Variants in ICA1 observed in about 807,000 individuals in gnomAD.
ICA1 encodes islet cell autoantigen 1.
ICA1 carries 40 observed loss-of-function variants against 71.0 expected under a neutral mutation model. The ratio of observed to expected loss-of-function variants is 0.56; its 90% CI spans 0.44 to 0.73. The LOEUF is 0.73. Among genes scored for constraint, ICA1 ranks in the 30% least tolerant of loss-of-function variants. ICA1 has a pLI of 0.00. For synonymous variants in ICA1, 207 were observed against 209.5 expected (o/e 0.99, Z 0.10); for missense variants, 578 against 576.5 (o/e 1.00, Z -0.03).
chr7:8,202,226 A>G (rs1486793826), intron 6 of ICA1, among the ~76,000 whole-genome samples: 1 of 152,228 alleles, frequency 6.6e-6, no homozygotes, highest in Admixed American at 6.5e-5. Flanking sequence ...TCCAGAAAAT[A>G]AGGGGATGCA....
intron 6 of ICA1, among the ~76,000 whole-genome samples, chr7:8,209,736 G>A (rs894613344): frequency 2.6e-5 from 1 of 39,174 alleles, no homozygotes; most frequent in African/African-American, 1.2e-4. Flanking sequence ...TGGGAAGTCG[G>A]CAAAGGCTCC....
At chr7:8,148,766 C>A (rs967490429) in intron 8 of ICA1, among the ~76,000 whole-genome samples, 1 of 151,988 alleles carries the variant, frequency 6.6e-6, no homozygotes, top group Non-Finnish European at 1.5e-5. Flanking sequence ...AGGAAAAAAA[C>A]AATAACACAT....
intron 1 of ICA1, among the ~76,000 whole-genome samples, chr7:8,246,731 G>C (rs899525442): frequency 1.3e-5 from 2 of 152,288 alleles, no homozygotes; most frequent in East Asian, 3.9e-4. Context: ...GTGCTCCTGT[G>C]CAATAACTAT....
At chr7:8,196,809 T>A (rs1054241673) in intron 6 of ICA1, among the ~76,000 whole-genome samples, 1 of 152,062 alleles carries the variant, frequency 6.6e-6, no homozygotes, top group African/African-American at 2.4e-5. Context: ...AGGGGCCAGG[T>A]GGAGATAAAT....
chr7:8,122,590 C>T (rs1055031488), intron 13 of ICA1, among the ~76,000 whole-genome samples: 19 of 152,248 alleles, frequency 1.2e-4, no homozygotes, highest in Non-Finnish European at 2.1e-4. Context: ...AAATACACCC[C>T]GTGGTCTTTT....
chr7:8,228,258 G>C (rs2128448969), intron 4 of ICA1, among the ~76,000 whole-genome samples: 1 of 151,816 alleles, frequency 6.6e-6, no homozygotes, highest in East Asian at 1.9e-4. Context: ...ATCTTAAAAG[G>C]AACAAAATTG....
rs565910418 is a variant in ICA1, at chr7:8,212,030, C to T, written c.579+6275G>A. ...ATATAAATAAGAGAAAAATATTACC[C>T]ATTTGTAAATACCAAAGGCTCCTCT... On this transcript the variant is annotated intron_variant, in intron 6 of 13. Coordinates refer to ENST00000402384, the MANE Select transcript of ICA1 (RefSeq NM_001136020.3). 5.9e-5 allele frequency among the ~76,000 whole-genome samples: 9 copies of T among 152,276 alleles called. No homozygotes were observed. In the South Asian group the frequency reaches 1.7e-3, roughly 28 times the overall value.
intron 1 of ICA1, among the ~76,000 whole-genome samples, chr7:8,239,304 T>C (rs1802933277): frequency 1.3e-5 from 2 of 152,366 alleles, no homozygotes; most frequent in South Asian, 4.1e-4. Context: ...TTGTTATCCA[T>C]TCATTTCAGT....
intron 12 of ICA1, among the ~76,000 whole-genome samples, chr7:8,133,417 C>G (rs376568920): frequency 6.6e-6 from 1 of 152,180 alleles, no homozygotes; most frequent in Non-Finnish European, 1.5e-5. Flanking sequence ...GCACATGCCA[C>G]CATGCCTGGC....
chr7:8,152,794 C>G (rs1444263049), intron 8 of ICA1, among the ~76,000 whole-genome samples: 1 of 80,848 alleles, frequency 1.2e-5, no homozygotes. Context: ...ATCACCATCA[C>G]CTCCACCACC....
In ICA1 at chr7:8,206,733, GA is replaced by G. The variant is rs60704635; in HGVS notation, c.579+11571del. Among the ~76,000 whole-genome samples, 115 of 135,596 alleles carry G rather than the reference GA, an allele frequency of 8.5e-4. No homozygotes were observed. The East Asian group carries it at 9.0e-3, about 11-fold the overall frequency. 89.0% of individuals were successfully genotyped at this position (135,596 alleles called of 152,430 possible). ...GATCTTTCTCCCACAGGTTTAAAAT[GA>G]AAAAAAAAAAAAAAAAAAAAAGAAA... On this transcript the variant is annotated intron_variant, in intron 6 of 13. Coordinates refer to ENST00000402384, the MANE Select transcript of ICA1 (RefSeq NM_001136020.3).
intron 1 of ICA1, among the ~76,000 whole-genome samples, chr7:8,241,982 C>T (rs1169450621): frequency 6.6e-6 from 1 of 152,120 alleles, no homozygotes; most frequent in Non-Finnish European, 1.5e-5. Flanking sequence ...CTTTAACACC[C>T]CACTGTCAAC....
intron 4 of ICA1, 128 bp from the exon 5 acceptor site, chr7:8,221,526 G>T (rs1797067425): frequency 3.8e-6 from 4 of 1,044,918 alleles, no homozygotes; most frequent in African/African-American, 1.6e-5. Context: ...AATCTAAGCG[G>T]CAGGCTACAG....
At chr7:8,136,115 T>C (rs1008143557) in intron 12 of ICA1, among the ~76,000 whole-genome samples, 3 of 152,152 alleles carry the variant, frequency 2.0e-5, no homozygotes, top group African/African-American at 7.2e-5. Context: ...AGCTATTTAG[T>C]AGGAGAAAGC....
At chr7:8,195,329 T>C (rs1787084599) in intron 6 of ICA1, among the ~76,000 whole-genome samples, 1 of 152,102 alleles carries the variant, frequency 6.6e-6, no homozygotes, top group African/African-American at 2.4e-5. Flanking sequence ...TCTCTTGAGG[T>C]CAGGAGTTCG....
chr7:8,158,006 T>C (rs751335838), intron 7 of ICA1, among the ~76,000 whole-genome samples: 7 of 152,116 alleles, frequency 4.6e-5, no homozygotes, highest in Non-Finnish European at 8.8e-5. Context: ...TTAACTGTTA[T>C]ATTTCCTACA....
intron 4 of ICA1, among the ~76,000 whole-genome samples, chr7:8,225,045 T>G (rs1188711696): frequency 2.0e-5 from 3 of 152,010 alleles, no homozygotes; most frequent in Non-Finnish European, 2.9e-5. Context: ...ACTGCAAAGT[T>G]AAGAATGTTT....
At chr7:8,168,469 G>A (rs1807001392) in intron 6 of ICA1, among the ~76,000 whole-genome samples, 1 of 152,076 alleles carries the variant, frequency 6.6e-6, no homozygotes, top group African/African-American at 2.4e-5. Context: ...TATAATCCAT[G>A]CTCTTTAAAC....
At chr7:8,256,991 C>A (rs192383055) in intron 1 of ICA1, among the ~76,000 whole-genome samples, 1 of 152,330 alleles carries the variant, frequency 6.6e-6, no homozygotes, top group East Asian at 1.9e-4. Context: ...AAGTCAACAA[C>A]TGGTAAACAC....
Sources: allele counts gnomAD v4.1 joint callset (sites outside exome capture counted in the v4.1 genomes callset), GRCh38; gene constraint gnomAD v4.1.1; transcripts MANE v1.5; gene names NCBI Gene and HGNC (gene_info 2026-07-23, HGNC 2026-07-21).